SGCG: variants seen among roughly 807,000 people sequenced by gnomAD.
The protein encoded by SGCG is gamma-sarcoglycan.
SGCG carries 26 observed loss-of-function variants against 29.3 expected under a neutral mutation model. The ratio of observed to expected loss-of-function variants is 0.89; its 90% CI spans 0.65 to 1.23. The LOEUF (loss-of-function observed/expected upper bound fraction) is 1.23. Ranked by LOEUF, SGCG falls within the 50% of genes most tolerant of loss-of-function variation. The pLI is 0.00. For synonymous variants in SGCG, 145 were observed against 129.7 expected (o/e 1.12, Z -0.80); for missense variants, 353 against 356.0 (o/e 0.99, Z 0.07).
At chr13:23,211,195 A>G (rs1475134572) in intron 2 of SGCG, among the ~76,000 whole-genome samples, 1 of 152,136 alleles carries the variant, frequency 6.6e-6, no homozygotes, top group Non-Finnish European at 1.5e-5. Context: ...TGATATTGTG[A>G]CATTCTTCCT....
chr13:23,219,771 A>G (rs1487032115), intron 2 of SGCG, among the ~76,000 whole-genome samples: 3 of 146,966 alleles, frequency 2.0e-5, no homozygotes, highest in African/African-American at 7.5e-5. Context: ...TTTGAGATGG[A>G]GTCTGGCTCT....
chr13:23,161,801 C>T, the SGCG span, among the ~76,000 whole-genome samples: 1 of 152,216 alleles, frequency 6.6e-6, no homozygotes, highest in Non-Finnish European at 1.5e-5. Flanking sequence ...GTTATATCTT[C>T]AAATATTGTA....
At position 23,181,835 on chromosome 13, in the gene SGCG, A is replaced by T. The variant is rs116449910; in HGVS notation, c.-1+760A>T. On this transcript the variant is annotated intron_variant, in intron 1 of 7. Coordinates refer to ENST00000218867, the MANE Select transcript of SGCG (RefSeq NM_000231.3). ...GAAAAAAATAATACGGAAAAATATA[A>T]CTCAGCTGACTGAAAGATTTGCCAG... 5.4e-3 allele frequency among the ~76,000 whole-genome samples: 829 copies of T among 152,314 alleles called. 4 individuals are homozygous for T. Among genetic ancestry groups the T allele is most frequent in the African/African-American group, 0.019 (782 of 41,574 alleles).
intron 1 of SGCG, among the ~76,000 whole-genome samples, chr13:23,186,000 C>A (rs1876956856): frequency 6.6e-6 from 1 of 152,196 alleles, no homozygotes; most frequent in African/African-American, 2.4e-5. Flanking sequence ...TGGGGGAACA[C>A]TGAGGGAATA....
chr13:23,228,460 CTTTTA>C (rs1260416405), intron 2 of SGCG, among the ~76,000 whole-genome samples: 1 of 152,000 alleles, frequency 6.6e-6, no homozygotes, highest in African/African-American at 2.4e-5. Flanking sequence ...AATATTTTAA[CTTTTA>C]TTTTAGGTTC....
In SGCG at chr13:23,259,217, C is replaced by T. The variant is rs1029258654; in HGVS notation, c.385+8500C>T. ...AGGCTATTAATTATTGCCTCAATTT[C>T]AGCGCCTGTTATTGGTCTATTCAGG... On this transcript the variant is annotated intron_variant, in intron 4 of 7. Coordinates refer to ENST00000218867, the MANE Select transcript of SGCG (RefSeq NM_000231.3). 9.9e-5 allele frequency among the ~76,000 whole-genome samples: 15 copies of T among 152,238 alleles called. No homozygotes were observed. The South Asian group carries it at 2.9e-3, about 29-fold the overall frequency.
intron 6 of SGCG, 61 bp downstream of exon 6, chr13:23,295,548 G>A (rs1443475192): frequency 2.7e-5 from 31 of 1,147,932 alleles, no homozygotes; most frequent in Non-Finnish European, 3.8e-5. Context: ...GGTATGTGCT[G>A]GAATAATGTT....
At chr13:23,213,689 C>T (rs1878318817) in intron 2 of SGCG, among the ~76,000 whole-genome samples, 1 of 152,092 alleles carries the variant, frequency 6.6e-6, no homozygotes, top group South Asian at 2.1e-4. Flanking sequence ...TTTTAAAAAA[C>T]TTACTGTGAT....
At chr13:23,217,607 A>G (rs1296045579) in intron 2 of SGCG, 2 of 151,892 alleles carry the variant, frequency 1.3e-5, no homozygotes, top group Non-Finnish European at 2.9e-5. Flanking sequence ...GTCCTATGGT[A>G]GCTGCTCTCC....
At chr13:23,302,344 A>T (rs1423830304) in intron 6 of SGCG, among the ~76,000 whole-genome samples, 1 of 151,916 alleles carries the variant, frequency 6.6e-6, no homozygotes, top group Non-Finnish European at 1.5e-5. Context: ...ATTTAAGGAG[A>T]AAACAATTGA....
At chr13:23,179,325 G>C (rs1876656355), upstream of SGCG, among the ~76,000 whole-genome samples, 1 of 152,200 alleles carries the variant, frequency 6.6e-6, no homozygotes, top group Non-Finnish European at 1.5e-5. Flanking sequence ...GGTGTGGATA[G>C]TATTAAATGA....
At chr13:23,217,882 G>A (rs1214404016) in intron 2 of SGCG, among the ~76,000 whole-genome samples, 2 of 152,182 alleles carry the variant, frequency 1.3e-5, no homozygotes, top group South Asian at 2.1e-4. Flanking sequence ...TGGTGGTAGT[G>A]AGAATAAGTA....
At chr13:23,235,065 A>G (rs965163181) in intron 3 of SGCG, among the ~76,000 whole-genome samples, 1 of 152,224 alleles carries the variant, frequency 6.6e-6, no homozygotes, top group African/African-American at 2.4e-5. Flanking sequence ...TTATCTAAGA[A>G]GCTTAGAAAG....
chr13:23,180,764 G>C (rs375685675), upstream of SGCG, among the ~76,000 whole-genome samples: 23 of 152,234 alleles, frequency 1.5e-4, no homozygotes, highest in South Asian at 3.1e-3. Flanking sequence ...TTGGTTTCTT[G>C]TTTGTTTGTT....
the SGCG span, among the ~76,000 whole-genome samples, chr13:23,167,055 C>T: frequency 6.6e-6 from 1 of 152,318 alleles, no homozygotes; most frequent in Admixed American, 6.5e-5. Flanking sequence ...ACTTTCACTA[C>T]CCTTCCCAGC....
intron 4 of SGCG, among the ~76,000 whole-genome samples, chr13:23,257,789 T>A (rs1880257103): frequency 2.0e-5 from 3 of 152,178 alleles, no homozygotes; most frequent in Non-Finnish European, 2.9e-5. Context: ...CCTAGCACCA[T>A]TTATTAAATA....
Position 23,219,327 on chromosome 13 carries a change from G to A in SGCG, c.196-15284G>A, listed in dbSNP as rs181924941. ...CTCCCAAAGTGCTGGGATTACAGGCGTGAGCCACCACGCCCGGCCATAGGT... is the reference window on the plus strand; with the variant it reads ...CTCCCAAAGTGCTGGGATTACAGGCATGAGCCACCACGCCCGGCCATAGGT... On this transcript the variant is annotated intron_variant, in intron 2 of 7. Coordinates refer to ENST00000218867, the MANE Select transcript of SGCG (RefSeq NM_000231.3). Among the ~76,000 whole-genome samples the A allele has an allele frequency of 1.5e-4, 23 of 152,214 alleles. No homozygotes were observed. In the East Asian group the frequency reaches 3.9e-3, roughly 26 times the overall value.
chr13:23,218,148 C>T (rs987106367), intron 2 of SGCG, among the ~76,000 whole-genome samples: 1 of 152,060 alleles, frequency 6.6e-6, no homozygotes, highest in Non-Finnish European at 1.5e-5. Flanking sequence ...TTACCTTATG[C>T]AACCCAGAGA....
chr13:23,166,842 G>A, the SGCG span, among the ~76,000 whole-genome samples: 1 of 152,182 alleles, frequency 6.6e-6, no homozygotes, highest in Non-Finnish European at 1.5e-5. Context: ...ATACAGGCAT[G>A]CCATGTGAGA....
Sources: allele counts gnomAD v4.1 joint callset (sites outside exome capture counted in the v4.1 genomes callset), GRCh38; gene constraint gnomAD v4.1.1; transcripts MANE v1.5; gene names NCBI Gene and HGNC (gene_info 2026-07-23, HGNC 2026-07-21).